The following DPYD variants were observed in gnomAD, a reference collection of about 807,000 sequenced individuals.
The protein encoded by DPYD is dihydropyrimidine dehydrogenase [NADP(+)].
In DPYD, 109 loss-of-function variants were observed where a neutral mutation model predicts 116.2. The observed-to-expected ratio is 0.94, with a 90% CI of 0.80 to 1.10. DPYD has a LOEUF of 1.10. Among genes scored for constraint, DPYD ranks in the 50% least tolerant of loss-of-function variants. The probability of loss-of-function intolerance (pLI) is 0.00; values close to 1 mark genes in which losing one functional copy is unlikely to be tolerated. For missense variants in DPYD, 1,302 were observed against 1,254.5 expected, an observed-to-expected ratio of 1.04 and a Z score of -0.57; for synonymous variants, 440 against 432.0, an observed-to-expected ratio of 1.02 and a Z score of -0.23.
chr1:97,747,085 G>T (rs1182008354), intron 3 of DPYD, among the ~76,000 whole-genome samples: 1 of 151,940 alleles, frequency 6.6e-6, no homozygotes, highest in South Asian at 2.1e-4. Context: ...TGGAGCATAA[G>T]ATCATGGTTT....
At chr1:97,326,676 A>C (rs2101139252) in intron 16 of DPYD, among the ~76,000 whole-genome samples, 1 of 152,142 alleles carries the variant, frequency 6.6e-6, no homozygotes, top group Non-Finnish European at 1.5e-5. Flanking sequence ...TGTAAGTAAT[A>C]GAATATACCA....
intron 12 of DPYD, among the ~76,000 whole-genome samples, chr1:97,549,067 T>C (rs961236540): frequency 2.0e-5 from 3 of 151,920 alleles, no homozygotes; most frequent in African/African-American, 4.8e-5. Flanking sequence ...AAATTTTCTT[T>C]CTTATTTTTT....
At chr1:97,208,216 CTT>C (rs1344995119) in intron 19 of DPYD, among the ~76,000 whole-genome samples, 17 of 143,764 alleles carry the variant, frequency 1.2e-4, no homozygotes, top group Non-Finnish European at 7.7e-5. Flanking sequence ...TCTTCTTTCT[CTT>C]TGTTTCTTTT....
At chr1:97,358,982 G>T (rs1407184073) in intron 16 of DPYD, among the ~76,000 whole-genome samples, 1 of 152,264 alleles carries the variant, frequency 6.6e-6, no homozygotes, top group Admixed American at 6.5e-5. Context: ...GACAGAAGTA[G>T]GCTTCAGAAG....
chr1:97,834,914 T>A (rs1669695954), intron 2 of DPYD, among the ~76,000 whole-genome samples: 1 of 152,076 alleles, frequency 6.6e-6, no homozygotes, highest in Non-Finnish European at 1.5e-5. Flanking sequence ...CATATTTTTT[T>A]AATTCTAGAT....
chr1:97,089,773 G>A (rs1269134984), intron 21 of DPYD, among the ~76,000 whole-genome samples: 1 of 150,988 alleles, frequency 6.6e-6, no homozygotes, highest in Non-Finnish European at 1.5e-5. Flanking sequence ...CTGTCCCCAG[G>A]GCCCCAGATC....
intron 12 of DPYD, among the ~76,000 whole-genome samples, chr1:97,540,012 C>A (rs186494422): frequency 2.6e-5 from 4 of 152,216 alleles, no homozygotes; most frequent in Admixed American, 2.6e-4. Flanking sequence ...TAAAATCTCA[C>A]AACACGCTTC....
At chr1:97,398,552 A>G (rs1190969412) in intron 14 of DPYD, among the ~76,000 whole-genome samples, 1 of 152,178 alleles carries the variant, frequency 6.6e-6, no homozygotes, top group African/African-American at 2.4e-5. Context: ...ACTAGTTTAC[A>G]GTCCCACCAA....
chr1:97,867,223 T>C (rs1018078773), intron 2 of DPYD, among the ~76,000 whole-genome samples: 2 of 151,780 alleles, frequency 1.3e-5, no homozygotes, highest in Non-Finnish European at 1.5e-5. Context: ...CAGTCTGATA[T>C]TGGTATTAAG....
At chr1:97,482,726 C>T (rs979206287) in intron 13 of DPYD, among the ~76,000 whole-genome samples, 10 of 152,074 alleles carry the variant, frequency 6.6e-5, no homozygotes, top group Admixed American at 6.6e-4. Context: ...TGAGAATAGG[C>T]CAGTTACTTT....
intron 14 of DPYD, among the ~76,000 whole-genome samples, chr1:97,422,224 A>G (rs966512610): frequency 6.6e-6 from 1 of 152,182 alleles, no homozygotes; most frequent in Non-Finnish European, 1.5e-5. Flanking sequence ...ATATGGAATT[A>G]TTTACGTTTT....
intron 11 of DPYD, among the ~76,000 whole-genome samples, chr1:97,558,187 A>G (rs761789584): frequency 3.3e-5 from 5 of 152,128 alleles, no homozygotes; most frequent in Non-Finnish European, 5.9e-5. Context: ...TAGTGAATTA[A>G]CCACTAACGA....
chr1:97,399,033 C>A (rs1397406966), intron 14 of DPYD, among the ~76,000 whole-genome samples: 2 of 152,154 alleles, frequency 1.3e-5, no homozygotes, highest in African/African-American at 4.8e-5. Flanking sequence ...TGCCTATGTC[C>A]TGAATGGTAT....
At chr1:97,126,519 A>G (rs1331295328) in intron 20 of DPYD, among the ~76,000 whole-genome samples, 1 of 152,026 alleles carries the variant, frequency 6.6e-6, no homozygotes, top group Non-Finnish European at 1.5e-5. Context: ...CCCTTCCTCC[A>G]ACATAATCTA....
intron 13 of DPYD, among the ~76,000 whole-genome samples, chr1:97,469,808 TTCCAGGTA>T (rs1345109566): frequency 9.9e-5 from 15 of 152,202 alleles, no homozygotes; most frequent in Admixed American, 9.8e-4. Context: ...ATGTGAAAGA[TTCCAGGTA>T]TCTGAACAAC....
intron 18 of DPYD, among the ~76,000 whole-genome samples, chr1:97,303,455 C>G (rs547939469): frequency 6.6e-6 from 1 of 152,126 alleles, no homozygotes; most frequent in East Asian, 1.9e-4. Flanking sequence ...TTTGATACAA[C>G]TCTCGTAAAA....
At chr1:97,875,143 A>G (rs1407924281) in intron 2 of DPYD, among the ~76,000 whole-genome samples, 1 of 151,962 alleles carries the variant, frequency 6.6e-6, no homozygotes, top group African/African-American at 2.4e-5. Flanking sequence ...AGTGTTGTTG[A>G]TAATAGCATT....
At chr1:97,349,980 G>C (rs753126299) in intron 16 of DPYD, among the ~76,000 whole-genome samples, 24 of 144,492 alleles carry the variant, frequency 1.7e-4, no homozygotes, top group Non-Finnish European at 3.0e-4. Context: ...TCAAACAAGA[G>C]AAATGCTATG....
At chr1:97,665,787 C>T (rs1659523379) in intron 8 of DPYD, among the ~76,000 whole-genome samples, 1 of 152,088 alleles carries the variant, frequency 6.6e-6, no homozygotes, top group Non-Finnish European at 1.5e-5. Flanking sequence ...GATGAATATG[C>T]TTGCATAAAA....
Sources: gnomAD v4.1 joint callset for allele counts (sites outside exome capture counted in the v4.1 genomes callset) on GRCh38, gnomAD v4.1.1 for gene constraint, MANE v1.5 for transcripts, NCBI Gene and HGNC (gene_info 2026-07-23, HGNC 2026-07-21) for gene names.